The following TMPRSS15 variants were observed in gnomAD, a reference collection of about 807,000 sequenced individuals.
TMPRSS15 encodes the protein transmembrane serine protease 15.
In TMPRSS15, 128 loss-of-function variants were observed where a neutral mutation model predicts 125.3. That is an observed-to-expected ratio of 1.02 (90% CI 0.89 to 1.18). The LOEUF (loss-of-function observed/expected upper bound fraction) is 1.18, where lower values mean the gene tolerates loss of function less well. Among genes scored for constraint, TMPRSS15 ranks in the 50% most tolerant of loss-of-function variants. The pLI, the probability that TMPRSS15 is intolerant of heterozygous loss-of-function variation, is 0.00. For synonymous variants in TMPRSS15, 446 were observed against 423.2 expected, an observed-to-expected ratio of 1.05 and a Z score of -0.66; for missense variants, 1,283 against 1,212.7, an observed-to-expected ratio of 1.06 and a Z score of -0.86.
intron 19 of TMPRSS15, among the ~76,000 whole-genome samples, chr21:18,296,231 C>T (rs888498691): frequency 8.5e-5 from 13 of 152,200 alleles, no homozygotes; most frequent in African/African-American, 3.1e-4. Flanking sequence ...CCCTGACATC[C>T]TCTTCTTTTA....
At chr21:18,372,121 T>C in intron 6 of TMPRSS15, 72 bp downstream of exon 6, 1 of 1,294,162 alleles carries the variant, frequency 7.7e-7, no homozygotes, top group Non-Finnish European at 1.1e-6. Context: ...TGTGTGTGTG[T>C]GTGTGTGTGT....
chr21:18,274,171 C>T (rs748982221), intron 24 of TMPRSS15, among the ~76,000 whole-genome samples: 4 of 152,082 alleles, frequency 2.6e-5, no homozygotes, highest in Non-Finnish European at 4.4e-5. Flanking sequence ...AATTTATTTA[C>T]TAAGCTTCAT....
intron 1 of TMPRSS15, among the ~76,000 whole-genome samples, chr21:18,417,387 C>G (rs2076182767): frequency 6.6e-6 from 1 of 152,010 alleles, no homozygotes; most frequent in Non-Finnish European, 1.5e-5. Flanking sequence ...TACAGCCAGA[C>G]TGAGATTTCT....
intron 3 of TMPRSS15, among the ~76,000 whole-genome samples, chr21:18,394,131 T>G (rs1352737570): frequency 6.6e-6 from 1 of 152,174 alleles, no homozygotes; most frequent in East Asian, 1.9e-4. Context: ...AAGTACTCTT[T>G]TTAGTGATTC....
chr21:18,288,348 C>T (rs770282366), intron 21 of TMPRSS15, among the ~76,000 whole-genome samples: 18 of 151,946 alleles, frequency 1.2e-4, no homozygotes, highest in Admixed American at 1.3e-4. Context: ...CTGTGGGAGG[C>T]GGGTGGATAT....
At chr21:18,397,660 T>A (rs1020572003) in intron 3 of TMPRSS15, among the ~76,000 whole-genome samples, 4 of 152,196 alleles carry the variant, frequency 2.6e-5, no homozygotes, top group Admixed American at 1.3e-4. Context: ...GATTTTATTG[T>A]CAGTAGAGAG....
At chr21:18,364,666 T>C (rs1446896530) in intron 7 of TMPRSS15, among the ~76,000 whole-genome samples, 1 of 152,194 alleles carries the variant, frequency 6.6e-6, no homozygotes, top group Admixed American at 6.5e-5. Flanking sequence ...CTGATCCAAA[T>C]GTCTTTCAAG....
At chr21:18,365,649 C>CCCTCCCTTCCTTCCTT (rs1555904784) in intron 6 of TMPRSS15, among the ~76,000 whole-genome samples, 6 of 65,860 alleles carry the variant, frequency 9.1e-5, no homozygotes, top group African/African-American at 3.5e-4. Context: ...TCTTTTTCCT[C>CCCTCCCTTCCTTCCTT]CCTTCCTTCC....
At chr21:18,279,261 C>T (rs1404164353) in intron 22 of TMPRSS15, among the ~76,000 whole-genome samples, 2 of 142,592 alleles carry the variant, frequency 1.4e-5, no homozygotes, top group African/African-American at 5.1e-5. Flanking sequence ...GACAATAGAT[C>T]GGCTACCACT....
intron 24 of TMPRSS15, 42 bp downstream of exon 24, chr21:18,275,155 G>T: frequency 6.2e-7 from 1 of 1,607,672 alleles, no homozygotes; most frequent in Non-Finnish European, 8.5e-7. Context: ...TATAACACCA[G>T]TGCTTTCTGA....
At chr21:18,377,592 G>C (rs73324001) in intron 5 of TMPRSS15, among the ~76,000 whole-genome samples, 2,806 of 152,166 alleles carry the variant, frequency 0.018, 80 homozygotes, top group African/African-American at 0.064. Context: ...TAGATAGCTT[G>C]CCAAATACAT....
Position 18,463,912 on chromosome 21 carries a change from C to T in TMPRSS15, c.10+21887G>A, listed in dbSNP as rs984277121. ...TTCTTTGGCCAGGCGTGGTGGCTCA[C>T]GGCTGTAATCCCAGCACTTGGGGAA... is the stretch of plus-strand genomic sequence containing the variant. On this transcript the variant is annotated intron_variant, in intron 1 of 7. Transcript: ENST00000422787. Among the ~76,000 whole-genome samples the T allele has an allele frequency of 4.6e-5, 7 of 152,040 alleles. 1 individual carries two copies. In the South Asian group the frequency reaches 1.2e-3, roughly 27 times the overall value.
intron 13 of TMPRSS15, among the ~76,000 whole-genome samples, chr21:18,340,915 T>C (rs955453098): frequency 2.0e-5 from 3 of 152,170 alleles, no homozygotes; most frequent in African/African-American, 4.8e-5. Context: ...GTGGTTTTCA[T>C]TGTGGATTTA....
intron 19 of TMPRSS15, among the ~76,000 whole-genome samples, chr21:18,295,960 G>A (rs1601290523): frequency 6.6e-6 from 1 of 152,136 alleles, no homozygotes; most frequent in Admixed American, 6.5e-5. Flanking sequence ...AGACCATCCT[G>A]GCTAACACGG....
At chr21:18,305,240 G>C (rs1008734047) in intron 18 of TMPRSS15, among the ~76,000 whole-genome samples, 9 of 135,806 alleles carry the variant, frequency 6.6e-5, no homozygotes, top group African/African-American at 8.5e-5. Context: ...CCAGGCTGGA[G>C]TGCAGTGGCG....
intron 7 of TMPRSS15, among the ~76,000 whole-genome samples, chr21:18,363,071 A>G (rs2075692098): frequency 6.6e-6 from 1 of 152,154 alleles, no homozygotes; most frequent in South Asian, 2.1e-4. Flanking sequence ...TATTTAATTG[A>G]TCTTAAACCT....
chr21:18,420,431 T>A (rs2076189886), intron 1 of TMPRSS15, among the ~76,000 whole-genome samples: 2 of 47,240 alleles, frequency 4.2e-5, no homozygotes, highest in East Asian at 1.3e-3. Flanking sequence ...TAGGGAAAGA[T>A]CTTCAATATT....
Position 18,318,274 on chromosome 21 carries a change from T to G in TMPRSS15, c.1922-3018A>C, listed in dbSNP as rs945758594. The stretch of plus-strand genomic sequence containing the variant: ...CAGTTTATAAGAGATTATTGTACTA[T>G]AAGAGGTGTATTGTCTATAGTGCAA... On this transcript the variant is annotated intron_variant, in intron 16 of 24. Coordinates refer to ENST00000284885, the MANE Select transcript of TMPRSS15 (RefSeq NM_002772.3). 2.0e-5 allele frequency among the ~76,000 whole-genome samples: 3 copies of G among 152,098 alleles called. No homozygotes were observed. The East Asian group carries it at 5.8e-4, about 29-fold the overall frequency.
intron 7 of TMPRSS15, among the ~76,000 whole-genome samples, chr21:18,361,730 GC>G (rs2075681362): frequency 6.6e-6 from 1 of 152,122 alleles, no homozygotes; most frequent in Non-Finnish European, 1.5e-5. Context: ...GGAGTTCAGG[GC>G]TGAAGTTTAG....
Sources: allele counts gnomAD v4.1 joint callset (sites outside exome capture counted in the v4.1 genomes callset), GRCh38; gene constraint gnomAD v4.1.1; transcripts MANE v1.5; gene names NCBI Gene and HGNC (gene_info 2026-07-23, HGNC 2026-07-21).